The following ST3GAL6 variants were observed in gnomAD, a reference collection of about 807,000 sequenced individuals.
The protein encoded by ST3GAL6 is ST3 beta-galactoside alpha-2,3-sialyltransferase 6.
Under a neutral mutation model 40.5 loss-of-function variants are expected in ST3GAL6, and 31 were observed. The ratio of observed to expected loss-of-function variants is 0.77; its 90% CI spans 0.58 to 1.03. The LOEUF (loss-of-function observed/expected upper bound fraction) is 1.03. ST3GAL6 is among the 50% of genes least tolerant of loss of function. The pLI is 0.00. For synonymous variants in ST3GAL6, 129 were observed against 136.9 expected, an observed-to-expected ratio of 0.94 and a Z score of 0.40; for missense variants, 357 against 393.2, an observed-to-expected ratio of 0.91 and a Z score of 0.78.
Position 98,788,165 on chromosome 3 carries a change from T to C in ST3GAL6, c.561T>C (p.Thr187=). ...HNDPNTTVIL[T]AFKPHDLRWL... ...ACCCTAATACGACAGTGATTCTCAC[T>C]GCTTTTAAGCCACATGATTTAAGGT... Residue 187 remains threonine (T), a synonymous_variant, in exon 7 of 10, where the codon ACT becomes ACC. Coordinates refer to ENST00000483910, the MANE Select transcript of ST3GAL6 (RefSeq NM_001323368.2). The C allele has an allele frequency of 6.2e-7, 1 of 1,613,906 alleles. No individual in the cohort carries two copies. The highest frequency in any genetic ancestry group is 1.6e-4 in the Middle Eastern group (1 of 6,062).
At chr3:98,756,470 G>T (rs1352413677) in intron 1 of ST3GAL6, 3 of 1,289,056 alleles carry the variant, frequency 2.3e-6, no homozygotes, top group Non-Finnish European at 2.0e-6. Context: ...TTGGCAGCCT[G>T]GTCCCTCTTT....
chr3:98,747,936 T>A (rs986914967), intron 1 of ST3GAL6, among the ~76,000 whole-genome samples: 5 of 152,170 alleles, frequency 3.3e-5, no homozygotes, highest in Admixed American at 6.5e-5. Context: ...TTTAAAAATA[T>A]CTTTCAGAAG....
At chr3:98,743,233 T>C (rs1045929664) in intron 1 of ST3GAL6, among the ~76,000 whole-genome samples, 1 of 151,990 alleles carries the variant, frequency 6.6e-6, no homozygotes, top group Non-Finnish European at 1.5e-5. Flanking sequence ...TTGCCCAGGC[T>C]GTTCTCCAAC....
At chr3:98,734,387 A>G (rs182541420) in intron 1 of ST3GAL6, among the ~76,000 whole-genome samples, 21 of 152,310 alleles carry the variant, frequency 1.4e-4, no homozygotes, top group African/African-American at 4.3e-4. Context: ...GTAAGGCCAA[A>G]TTCCACAGAG....
intron 1 of ST3GAL6, among the ~76,000 whole-genome samples, chr3:98,749,322 T>C (rs755971152): frequency 1.6e-4 from 25 of 152,160 alleles, no homozygotes; most frequent in Non-Finnish European, 7.3e-5. Context: ...TGCCCTAAAT[T>C]AAGATTCACC....
intron 1 of ST3GAL6, among the ~76,000 whole-genome samples, chr3:98,749,090 T>C (rs924787604): frequency 6.6e-6 from 1 of 152,230 alleles, no homozygotes; most frequent in African/African-American, 2.4e-5. Context: ...TAAAACAGTG[T>C]CCAGCACAGA....
chr3:98,739,030 A>G (rs554446672), intron 1 of ST3GAL6, among the ~76,000 whole-genome samples: 1 of 152,252 alleles, frequency 6.6e-6, no homozygotes, highest in Non-Finnish European at 1.5e-5. Context: ...ATAAAAATAG[A>G]AATCAATACT....
chr3:98,750,793 A>G (rs1166233787), intron 1 of ST3GAL6, among the ~76,000 whole-genome samples: 2 of 152,112 alleles, frequency 1.3e-5, no homozygotes, highest in Non-Finnish European at 2.9e-5. Flanking sequence ...GGCAGTCCAA[A>G]TATTAGCAAG....
intron 5 of ST3GAL6, among the ~76,000 whole-genome samples, chr3:98,777,408 TC>T (rs1939660164): frequency 6.6e-6 from 1 of 151,990 alleles, no homozygotes; most frequent in African/African-American, 2.4e-5. Flanking sequence ...TTCATACTCC[TC>T]CCCCTCCCCC....
chr3:98,741,962 C>A (rs565950056), intron 1 of ST3GAL6, among the ~76,000 whole-genome samples: 1 of 152,280 alleles, frequency 6.6e-6, no homozygotes, highest in South Asian at 2.1e-4. Context: ...GGGATTGAGA[C>A]ATCCAATGAG....
At chr3:98,792,885 G>C (rs1460816107) in intron 9 of ST3GAL6, among the ~76,000 whole-genome samples, 1 of 152,036 alleles carries the variant, frequency 6.6e-6, no homozygotes, top group Non-Finnish European at 1.5e-5. Flanking sequence ...TAAATTAGTA[G>C]TGCATCACAA....
At chr3:98,790,648 C>G (rs1432600506) in intron 8 of ST3GAL6, among the ~76,000 whole-genome samples, 1 of 151,958 alleles carries the variant, frequency 6.6e-6, no homozygotes, top group Non-Finnish European at 1.5e-5. Context: ...TTTCTCTTGC[C>G]CTATTCTGTT....
chr3:98,772,769 A>G (rs764025074), intron 3 of ST3GAL6, 44 bp from the exon 4 acceptor site: 25 of 1,320,008 alleles, frequency 1.9e-5, no homozygotes, highest in Admixed American at 1.7e-5. Context: ...GCTTGCAAAT[A>G]TAGTAGGTAT....
chr3:98,773,983 A>G lies in ST3GAL6; in HGVS notation c.335A>G (p.Asn112Ser). The change falls in exon 5 of 10, where the codon AAC becomes AGC. Residue 112 changes from asparagine to serine, a missense_variant and splice_region_variant. By Grantham distance (46) the Asn-to-Ser change is conservative. Coordinates refer to ENST00000483910, the MANE Select transcript of ST3GAL6 (RefSeq NM_001323368.2). ...QSCDLFDEFD[N>S]IPCKKCVVVG... ...TGTGATCTCTTTGATGAGTTTGACA[A>G]GTGAGTTTATTTCCTTGCTTCTAGT... is the stretch of plus-strand genomic sequence containing the variant. The G allele has an allele frequency of 6.2e-7, 1 of 1,611,868 alleles. No homozygotes were observed. Among genetic ancestry groups the G allele is most frequent in the Non-Finnish European group, 8.5e-7 (1 of 1,178,386 alleles).
chr3:98,782,676 A>G (rs905946161), intron 5 of ST3GAL6: 2 of 446,662 alleles, frequency 4.5e-6, no homozygotes, highest in Non-Finnish European at 8.5e-6. Flanking sequence ...TTGAGATACC[A>G]TATTGCTGGT....
chr3:98,775,077 C>T (rs1939394731), intron 5 of ST3GAL6, among the ~76,000 whole-genome samples: 1 of 152,138 alleles, frequency 6.6e-6, no homozygotes, highest in African/African-American at 2.4e-5. Context: ...CTGTAAGTTT[C>T]TGGAGAAACT....
rs1048531243 is a variant in ST3GAL6, at chr3:98,791,973, A to G, written c.889A>G (p.Thr297Ala). 2 of 1,613,544 alleles carry G rather than the reference A, an allele frequency of 1.2e-6. No homozygotes were observed. The highest frequency in any genetic ancestry group is 1.7e-6 in the Non-Finnish European group (2 of 1,179,714). Residue 297 changes from threonine (T) to alanine (A), a missense_variant, in exon 9 of 10, where the codon ACC becomes GCC. Transcript: ENST00000483910. ...KSPLHYYGNATMSLMNKNAYH... is the reference protein window; with the variant it reads ...KSPLHYYGNAAMSLMNKNAYH... ...TCCTTTGCACTACTATGGGAATGCC[A>G]CCATGTCTTTGATGAATAAGGTAAT...
intron 1 of ST3GAL6, among the ~76,000 whole-genome samples, chr3:98,766,235 T>C (rs1211833654): frequency 1.3e-5 from 2 of 152,152 alleles, no homozygotes; most frequent in Admixed American, 6.5e-5. Context: ...TGTAGAATAA[T>C]ACATAAATTG....
At chr3:98,771,064 T>G in intron 3 of ST3GAL6, 108 bp downstream of exon 3, 5 of 1,490,592 alleles carry the variant, frequency 3.4e-6, no homozygotes, top group African/African-American at 2.8e-5. Flanking sequence ...CAGTATAAAG[T>G]GGACACCCCA....
Sources: allele counts gnomAD v4.1 joint callset (sites outside exome capture counted in the v4.1 genomes callset), GRCh38; gene constraint gnomAD v4.1.1; transcripts MANE v1.5; gene names NCBI Gene and HGNC (gene_info 2026-07-23, HGNC 2026-07-21).